SLC5A8: variants seen among roughly 807,000 people sequenced by gnomAD.
SLC5A8 encodes the protein solute carrier family 5 member 8.
In SLC5A8, 55 loss-of-function variants were observed where a neutral mutation model predicts 71.9. The ratio of observed to expected loss-of-function variants is 0.77; its 90% CI spans 0.62 to 0.96. SLC5A8 has a LOEUF of 0.96. Among genes scored for constraint, SLC5A8 ranks in the 40% least tolerant of loss-of-function variants. SLC5A8 has a pLI of 0.00. For missense variants in SLC5A8, 701 were observed against 745.3 expected (o/e 0.94, Z 0.69); for synonymous variants, 307 against 276.1 (o/e 1.11, Z -1.11).
intron 2 of SLC5A8, 95 bp from the exon 3 acceptor site, chr12:101,202,310 T>C: frequency 1.7e-6 from 2 of 1,145,248 alleles, no homozygotes; most frequent in Non-Finnish European, 2.4e-6. Flanking sequence ...TCCTATAACT[T>C]CAATTATGAC....
intron 3 of SLC5A8, among the ~76,000 whole-genome samples, chr12:101,199,790 A>G (rs1869358804): frequency 6.6e-6 from 1 of 151,716 alleles, no homozygotes; most frequent in Admixed American, 6.6e-5. Context: ...GCTGGGTCCA[A>G]ATAGAATTAT....
At chr12:101,157,652 T>C (rs1288997099) in intron 14 of SLC5A8, among the ~76,000 whole-genome samples, 2 of 151,776 alleles carry the variant, frequency 1.3e-5, no homozygotes, top group African/African-American at 4.8e-5. Context: ...TATCAGAGGA[T>C]AGACAGATAT....
chr12:101,159,968 G>A (rs1439755607), intron 13 of SLC5A8, among the ~76,000 whole-genome samples: 1 of 152,176 alleles, frequency 6.6e-6, no homozygotes, highest in African/African-American at 2.4e-5. Flanking sequence ...GATCACCTGA[G>A]GTCAGGAGTT....
Position 101,209,933 on chromosome 12 carries a change from A to T in SLC5A8, c.-85T>A. On this transcript the variant is annotated 5_prime_UTR_variant, in exon 1 of 15. Transcript: ENST00000536262. ...GCCCGGCGCGCACTTCTTATCCCGGATCCCTGGCGCGCAGGCGTGGCGTCC... is the reference window on the plus strand; with the variant it reads ...GCCCGGCGCGCACTTCTTATCCCGGTTCCCTGGCGCGCAGGCGTGGCGTCC... The T allele has an allele frequency of 7.9e-7, 1 of 1,271,722 alleles. No homozygotes were observed. 78.8% of individuals were successfully genotyped at this position (1,271,722 alleles called of 1,614,324 possible). A position where few individuals can be genotyped will look rare whatever the true frequency, so the allele number is the denominator to read the frequency against.
At position 101,209,827 on chromosome 12, in the gene SLC5A8, C is replaced by G. The variant is rs374426626; in HGVS notation, c.22G>C (p.Gly8Arg). ...ACGTAGTCCCACACCACGAAGGTGCCGATGCCCCGTGGCGTGTCCATGGCC... is the reference window on the plus strand; with the variant it reads ...ACGTAGTCCCACACCACGAAGGTGCGGATGCCCCGTGGCGTGTCCATGGCC... MDTPRGIGTFVVWDYVVF... is the reference protein window; with the variant it reads MDTPRGIRTFVVWDYVVF... Residue 8 changes from glycine to arginine, a missense_variant, in exon 1 of 15, where the codon GGC (glycine) becomes CGC (arginine). Gly to Arg is a moderately radical substitution (Grantham distance 125, BLOSUM62 -2). Coordinates refer to ENST00000536262, the MANE Select transcript of SLC5A8 (RefSeq NM_145913.5). 7.6e-6 allele frequency: 12 copies of G among 1,573,054 alleles called. No homozygotes were observed. The highest frequency in any genetic ancestry group is 9.5e-6 in the Non-Finnish European group (11 of 1,156,904).
At position 101,156,753 on chromosome 12, in the gene SLC5A8, T is replaced by A. The variant is rs1198273996; in HGVS notation, c.*526A>T. 6.6e-6 allele frequency: 1 copy of A among 152,322 alleles called. No individual in the cohort carries two copies. Among genetic ancestry groups the A allele is most frequent in the Admixed American group, 6.5e-5 (1 of 15,276 alleles). 9.4% of individuals were successfully genotyped at this position (152,322 alleles called of 1,614,324 possible). ...CCTGATTCAGAATCAGTTTGCAGGT[T>A]AGTATATGCCCTGGACTGATAGGGG... On this transcript the variant is annotated 3_prime_UTR_variant, in exon 15 of 15. Coordinates refer to ENST00000536262, the MANE Select transcript of SLC5A8 (RefSeq NM_145913.5).
chr12:101,165,820 C>T (rs1008348578), intron 12 of SLC5A8, among the ~76,000 whole-genome samples: 3 of 152,204 alleles, frequency 2.0e-5, no homozygotes, highest in African/African-American at 7.2e-5. Flanking sequence ...ATCATCTTTG[C>T]ATTCCTTGAA....
Position 101,157,250 on chromosome 12 carries a change from A to G in SLC5A8, c.*29T>C, listed in dbSNP as rs1229227987. 1.9e-6 allele frequency: 3 copies of G among 1,602,258 alleles called. No individual in the cohort carries two copies. Among genetic ancestry groups the G allele is most frequent in the African/African-American group, 2.7e-5 (2 of 74,426 alleles). On this transcript the variant is annotated 3_prime_UTR_variant, in exon 15 of 15. Coordinates refer to ENST00000536262, the MANE Select transcript of SLC5A8 (RefSeq NM_145913.5). ...AGAAAACATATAAAATTGAAACATC[A>G]TTTAAGGATATCTAGTATCAGAGCA...
At chr12:101,192,054 C>T (rs779280841) in intron 5 of SLC5A8, among the ~76,000 whole-genome samples, 6 of 152,166 alleles carry the variant, frequency 3.9e-5, no homozygotes, top group Non-Finnish European at 7.3e-5. Context: ...TTGGTTGTTT[C>T]CACTTCCTGG....
At chr12:101,196,480 C>G (rs1046901568) in intron 3 of SLC5A8, among the ~76,000 whole-genome samples, 9 of 151,928 alleles carry the variant, frequency 5.9e-5, no homozygotes, top group African/African-American at 1.9e-4. Context: ...AGTCAGGCTA[C>G]TTTAAACATA....
chr12:101,206,073 T>C (rs560788905), intron 1 of SLC5A8, among the ~76,000 whole-genome samples: 35 of 152,278 alleles, frequency 2.3e-4, no homozygotes, highest in African/African-American at 7.7e-4. Context: ...TAATAATAAT[T>C]TGTTTCCCTC....
chr12:101,193,868 T>C (rs1259514827), intron 4 of SLC5A8, 89 bp from the exon 5 acceptor site: 2 of 1,333,508 alleles, frequency 1.5e-6, no homozygotes, highest in Non-Finnish European at 2.0e-6. Context: ...AGAAAAATGA[T>C]ATAAACATGA....
At chr12:101,182,154 G>A (rs978488195) in intron 9 of SLC5A8, among the ~76,000 whole-genome samples, 4 of 152,152 alleles carry the variant, frequency 2.6e-5, no homozygotes, top group Non-Finnish European at 2.9e-5. Context: ...CTCTACGATT[G>A]AACAGAACAG....
intron 10 of SLC5A8, among the ~76,000 whole-genome samples, chr12:101,176,992 C>A (rs2051885302): frequency 6.6e-6 from 1 of 151,982 alleles, no homozygotes; most frequent in Non-Finnish European, 1.5e-5. Context: ...GAAGCTGGTT[C>A]TTTGAAAACA....
rs771382880 is a variant in SLC5A8, at chr12:101,172,089, G to A, written c.1234-3907C>T. Among the ~76,000 whole-genome samples the A allele has an allele frequency of 1.1e-4, 16 of 152,136 alleles. No individual in the cohort carries two copies. In the South Asian group the frequency reaches 3.1e-3, roughly 30 times the overall value. On this transcript the variant is annotated intron_variant, in intron 10 of 14. Transcript: ENST00000536262. Reference sequence around the variant, plus strand: ...GAGGTGCTGTCAAAGATCCAAAATCGTGATCTTGAACACGGCCCGATGAAG... The same window carrying A: ...GAGGTGCTGTCAAAGATCCAAAATCATGATCTTGAACACGGCCCGATGAAG...
intron 13 of SLC5A8, among the ~76,000 whole-genome samples, chr12:101,158,590 CTCTCTCTCTATATATATATATATA>C (rs1340754986): frequency 3.2e-5 from 1 of 31,556 alleles, no homozygotes; most frequent in East Asian, 8.5e-4. Context: ...CTCTCTCTCT[CTCTCTCTCTATATATATATATATA>C]TATATATATA....
intron 10 of SLC5A8, among the ~76,000 whole-genome samples, chr12:101,172,616 G>A (rs752210339): frequency 3.5e-4 from 53 of 152,186 alleles, no homozygotes; most frequent in Non-Finnish European, 4.3e-4. Context: ...TGTGTGGTGG[G>A]TAGGGAGCGA....
At chr12:101,200,383 T>C (rs1244442613) in intron 3 of SLC5A8, among the ~76,000 whole-genome samples, 2 of 152,104 alleles carry the variant, frequency 1.3e-5, no homozygotes, top group Non-Finnish European at 2.9e-5. Flanking sequence ...TTTTATTGTA[T>C]GTTAACTATA....
At chr12:101,205,056 T>C (rs773426860) in intron 1 of SLC5A8, among the ~76,000 whole-genome samples, 24 of 152,336 alleles carry the variant, frequency 1.6e-4, no homozygotes, top group Non-Finnish European at 2.5e-4. Flanking sequence ...CTGCAGACTA[T>C]TGTGATGGAA....
Sources: gnomAD v4.1 joint callset for allele counts (sites outside exome capture counted in the v4.1 genomes callset) on GRCh38, gnomAD v4.1.1 for gene constraint, MANE v1.5 for transcripts, NCBI Gene and HGNC (gene_info 2026-07-23, HGNC 2026-07-21) for gene names.